INPP5D: variants seen among roughly 807,000 people sequenced by gnomAD.
INPP5D encodes inositol polyphosphate-5-phosphatase D.
In INPP5D, 33 loss-of-function variants were observed where a neutral mutation model predicts 122.9. That is an observed-to-expected ratio of 0.27 (90% CI 0.20 to 0.36). The LOEUF is 0.36. Among genes scored for constraint, INPP5D ranks in the 10% least tolerant of loss-of-function variants. The pLI is 1.00. For missense variants in INPP5D, 1,053 were observed against 1,412.7 expected (o/e 0.75, Z 4.08); for synonymous variants, 584 against 576.2 (o/e 1.01, Z -0.19).
chr2:233,087,400 C>T (rs1691881979), intron 2 of INPP5D, among the ~76,000 whole-genome samples: 1 of 152,198 alleles, frequency 6.6e-6, no homozygotes, highest in Non-Finnish European at 1.5e-5. Flanking sequence ...CGGCTCAGCT[C>T]ACTGCAACCC....
rs1405741712 is a variant in INPP5D at position 233,204,548 on chromosome 2, C to A, written c.3398C>A (p.Thr1133Asn). ...KPSRSEINQQ[T>N]PPTPTPRPPL... ...TCCAGATCGGAAATCAACCAGCAGA[C>A]CCCGCCCACCCCGACGCCGCGGCCG... The change falls in exon 26 of 27, where the codon ACC becomes AAC. Residue 1133 changes from threonine (T) to asparagine (N), a missense_variant. Physicochemically the swap from Thr to Asn is moderately conservative, Grantham distance 65 (BLOSUM62 0). Coordinates refer to ENST00000445964, the MANE Select transcript of INPP5D (RefSeq NM_001017915.3). 1 of 1,572,958 alleles carries A rather than the reference C, an allele frequency of 6.4e-7. No homozygotes were observed.
intron 2 of INPP5D, among the ~76,000 whole-genome samples, chr2:233,121,428 G>A (rs1371685066): frequency 1.3e-5 from 2 of 151,602 alleles, no homozygotes; most frequent in Non-Finnish European, 2.9e-5. Context: ...ACAAGCCACT[G>A]CACCCAGACA....
In INPP5D at chr2:233,188,723, C is replaced by A. The variant is rs574348964; in HGVS notation, c.2359-1127C>A. Among the ~76,000 whole-genome samples the A allele has an allele frequency of 1.8e-4, 27 of 152,234 alleles. No homozygotes were observed. Among genetic ancestry groups the A allele is most frequent in the African/African-American group, 6.3e-4 (26 of 41,554 alleles). On this transcript the variant is annotated intron_variant, in intron 21 of 26. Coordinates refer to ENST00000445964, the MANE Select transcript of INPP5D (RefSeq NM_001017915.3). The surrounding 1 kb of genome is among the most constrained non-coding windows in gnomAD (Gnocchi z 4.7). ...ACGACAGGCACGCCCCATCAAGCCTCGCTAATTTCTGTATTTTTTAGTAGA... is the reference window on the plus strand; with the variant it reads ...ACGACAGGCACGCCCCATCAAGCCTAGCTAATTTCTGTATTTTTTAGTAGA...
intron 5 of INPP5D, among the ~76,000 whole-genome samples, chr2:233,133,116 A>G (rs944750805): frequency 1.3e-5 from 2 of 151,946 alleles, no homozygotes; most frequent in Non-Finnish European, 2.9e-5. Context: ...TATTTTTTGT[A>G]GAGATGGGGT....
chr2:233,116,252 GAT>G (rs1553575247), intron 2 of INPP5D, among the ~76,000 whole-genome samples: 30 of 140,708 alleles, frequency 2.1e-4, no homozygotes, highest in African/African-American at 5.2e-4. Flanking sequence ...TAGATAGATA[GAT>G]ATAGATATAG....
chr2:233,189,676 T>G lies in INPP5D; in HGVS notation c.2359-174T>G, dbSNP rs1695001727. 6.6e-6 allele frequency among the ~76,000 whole-genome samples: 1 copy of G among 152,120 alleles called. No homozygotes were observed. The highest frequency in any genetic ancestry group is 2.4e-5 in the African/African-American group (1 of 41,406). ...GGAAGGAAGCTAACCCCCACCTTGCTGGACAGGGTGTATGTGAAAGCTATA... is the reference window on the plus strand; with the variant it reads ...GGAAGGAAGCTAACCCCCACCTTGCGGGACAGGGTGTATGTGAAAGCTATA... On this transcript the variant is annotated intron_variant, in intron 21 of 26. Transcript: ENST00000445964. The surrounding 1 kb of genome is among the most constrained non-coding windows in gnomAD (Gnocchi z 5.6).
At chr2:233,070,066 G>T (rs1250729701) in intron 1 of INPP5D, among the ~76,000 whole-genome samples, 3 of 152,192 alleles carry the variant, frequency 2.0e-5, no homozygotes, top group Admixed American at 6.5e-5. Context: ...GCATTTGATT[G>T]TGGTCACGTT....
chr2:233,073,911 C>T (rs1014194147), intron 1 of INPP5D, among the ~76,000 whole-genome samples: 1 of 152,264 alleles, frequency 6.6e-6, no homozygotes, highest in South Asian at 2.1e-4. Flanking sequence ...TCAGTTTGCT[C>T]ATTTTTCACA....
chr2:233,125,998 G>A (rs1415250108), intron 4 of INPP5D, 79 bp downstream of exon 4: 11 of 1,409,282 alleles, frequency 7.8e-6, no homozygotes, highest in South Asian at 1.3e-5. Flanking sequence ...CTTGGGTTTC[G>A]ATCCTAGTTA....
intron 17 of INPP5D, among the ~76,000 whole-genome samples, chr2:233,176,342 TG>T: frequency 5.0e-5 from 7 of 141,238 alleles, no homozygotes; most frequent in African/African-American, 1.0e-4. Flanking sequence ...GATGGATGGA[TG>T]GATGGATGGA....
chr2:233,156,063 G>A (rs1694044990), intron 9 of INPP5D, among the ~76,000 whole-genome samples: 1 of 152,250 alleles, frequency 6.6e-6, no homozygotes, highest in African/African-American at 2.4e-5. Context: ...TGCATAGGAT[G>A]AAGTCTGGAA....
At chr2:233,199,509 C>T (rs1345152591) in intron 25 of INPP5D, among the ~76,000 whole-genome samples, 1 of 150,274 alleles carries the variant, frequency 6.7e-6, no homozygotes, top group African/African-American at 2.5e-5. Flanking sequence ...GCACTCCAGC[C>T]TGGGTGACAG....
At chr2:233,101,023 T>C (rs1425511370) in intron 2 of INPP5D, among the ~76,000 whole-genome samples, 2 of 150,264 alleles carry the variant, frequency 1.3e-5, no homozygotes, top group African/African-American at 2.5e-5. Context: ...CATTTCTTCC[T>C]GATCCAAACT....
intron 10 of INPP5D, 115 bp downstream of exon 10, chr2:233,158,534 C>A (rs538882093): frequency 1.6e-4 from 90 of 545,916 alleles, no homozygotes; most frequent in Admixed American, 3.8e-4. Flanking sequence ...CCCAGAACAA[C>A]CCATTTCACA....
chr2:233,144,398 ATAG>A (rs1574761816), intron 6 of INPP5D, among the ~76,000 whole-genome samples: 1 of 127,594 alleles, frequency 7.8e-6, no homozygotes, highest in African/African-American at 3.0e-5. Flanking sequence ...GGTGGGAGTG[ATAG>A]GGGTGGAGAT....
rs189485499 is a variant in INPP5D, at chr2:233,184,464, T to C, written c.2218T>C (p.Leu740=). Residue 740 remains leucine, a synonymous_variant, in exon 20 of 27, where the codon TTG becomes CTG. Transcript: ENST00000445964. ...QIEFLRCYAT[L]KTKSQTKFYL... ...TGAGTTTCTCAGGTGCTATGCCACA[T>C]TGAAGACCAAGTCCCAGACCAAATT... 165 of 1,614,054 alleles carry C rather than the reference T, an allele frequency of 1.0e-4. No homozygotes were observed. The African/African-American group carries it at 1.9e-3, about 19-fold the overall frequency.
intron 17 of INPP5D, among the ~76,000 whole-genome samples, chr2:233,174,834 A>G (rs1188805134): frequency 1.3e-5 from 2 of 151,958 alleles, no homozygotes; most frequent in Non-Finnish European, 2.9e-5. Context: ...TGTTAGGCAG[A>G]ATCAATGAAA....
At chr2:233,075,338 G>A (rs1024262345) in intron 1 of INPP5D, among the ~76,000 whole-genome samples, 3 of 152,192 alleles carry the variant, frequency 2.0e-5, no homozygotes, top group Non-Finnish European at 4.4e-5. Flanking sequence ...CAGTGTTAGC[G>A]TAACAAGGTG....
At chr2:233,121,285 C>A (rs566203221) in intron 2 of INPP5D, among the ~76,000 whole-genome samples, 8 of 151,538 alleles carry the variant, frequency 5.3e-5, no homozygotes, top group Non-Finnish European at 5.9e-5. Flanking sequence ...GTGCGCACCA[C>A]CACGCTTGGC....
Sources: gnomAD v4.1 joint callset for allele counts (sites outside exome capture counted in the v4.1 genomes callset) on GRCh38, gnomAD v4.1.1 for gene constraint, Gnocchi (gnomAD v3.1) non-coding constraint, MANE v1.5 for transcripts, NCBI Gene and HGNC (gene_info 2026-07-23, HGNC 2026-07-21) for gene names.